Variants in DLG2 observed in about 807,000 individuals in gnomAD.
DLG2 encodes the protein disks large homolog 2.
In DLG2, 45 loss-of-function variants were observed where a neutral mutation model predicts 132.5. The observed-to-expected ratio is 0.34, with a 90% CI of 0.27 to 0.44. The LOEUF is 0.44. Among genes scored for constraint, DLG2 ranks in the 20% least tolerant of loss-of-function variants. The pLI, the probability that DLG2 is intolerant of heterozygous loss-of-function variation, is 1.00. For missense variants in DLG2, 1,045 were observed against 1,196.9 expected (o/e 0.87, Z 1.87); for synonymous variants, 424 against 419.6 (o/e 1.01, Z -0.13).
intron 6 of DLG2, among the ~76,000 whole-genome samples, chr11:84,871,689 T>C (rs974903054): frequency 1.3e-5 from 2 of 152,130 alleles, no homozygotes; most frequent in Non-Finnish European, 2.9e-5. Context: ...CTGAATCTAG[T>C]ATATAACTAC....
intron 6 of DLG2, among the ~76,000 whole-genome samples, chr11:84,566,137 AT>A (rs1389288548): frequency 1.3e-5 from 2 of 151,308 alleles, no homozygotes; most frequent in African/African-American, 4.9e-5. Flanking sequence ...TTTTTTTTGT[AT>A]TTTTACTAGA....
intron 6 of DLG2, among the ~76,000 whole-genome samples, chr11:84,633,801 C>G (rs1414912743): frequency 6.6e-6 from 1 of 152,038 alleles, no homozygotes; most frequent in Non-Finnish European, 1.5e-5. Context: ...AGGGACTGAA[C>G]CAATCACACA....
intron 3 of DLG2, among the ~76,000 whole-genome samples, chr11:85,344,072 A>G (rs1040636308): frequency 6.6e-6 from 1 of 152,184 alleles, no homozygotes; most frequent in Admixed American, 6.6e-5. Flanking sequence ...AATCATCTTG[A>G]GACCTGATTC....
chr11:85,445,743 A>G lies in DLG2; in HGVS notation c.40+152914T>C, dbSNP rs74484664. On this transcript the variant is annotated intron_variant, in intron 3 of 27. Coordinates refer to ENST00000376104, the MANE Select transcript of DLG2 (RefSeq NM_001142699.3). ...GCACACCTCATTTAAAAAGAGACACATTCCTAAAAGTGGTATAGAGTTTTA... is the reference window on the plus strand; with the variant it reads ...GCACACCTCATTTAAAAAGAGACACGTTCCTAAAAGTGGTATAGAGTTTTA... 9.3e-3 allele frequency among the ~76,000 whole-genome samples: 1,422 copies of G among 152,310 alleles called. 19 individuals are homozygous for G. Among genetic ancestry groups the G allele is most frequent in the African/African-American group, 0.031 (1,273 of 41,568 alleles).
chr11:84,032,711 G>T (rs1430251956), intron 11 of DLG2, among the ~76,000 whole-genome samples: 1 of 152,168 alleles, frequency 6.6e-6, no homozygotes, highest in African/African-American at 2.4e-5. Context: ...TGACATTTAG[G>T]ACTTTCGTAG....
intron 8 of DLG2, among the ~76,000 whole-genome samples, chr11:84,240,515 C>T (rs192174737): frequency 6.4e-4 from 97 of 152,276 alleles, no homozygotes; most frequent in Admixed American, 1.3e-3. Flanking sequence ...GCCCAGACTC[C>T]ATTCTCTTTC....
At chr11:85,407,704 C>A (rs2088892349) in intron 3 of DLG2, among the ~76,000 whole-genome samples, 1 of 151,746 alleles carries the variant, frequency 6.6e-6, no homozygotes, top group South Asian at 2.1e-4. Flanking sequence ...CTTAATCACA[C>A]AGAAAAACTC....
chr11:84,617,334 A>T (rs890652139), intron 6 of DLG2, among the ~76,000 whole-genome samples: 4 of 152,156 alleles, frequency 2.6e-5, no homozygotes, highest in African/African-American at 9.7e-5. Flanking sequence ...ATATGGCCAC[A>T]TAGTATTCCA....
chr11:84,899,245 T>C (rs1317792490), intron 6 of DLG2, among the ~76,000 whole-genome samples: 2 of 152,084 alleles, frequency 1.3e-5, no homozygotes, highest in South Asian at 4.1e-4. Flanking sequence ...TTCCCCACTC[T>C]GATGAAATTA....
intron 18 of DLG2, among the ~76,000 whole-genome samples, chr11:83,715,295 T>C (rs2086436890): frequency 6.6e-6 from 1 of 152,226 alleles, no homozygotes; most frequent in Non-Finnish European, 1.5e-5. Context: ...ATATTAAATA[T>C]ACATAGATTG....
Position 84,298,289 on chromosome 11 carries a change from A to G in DLG2, c.520-46998T>C, listed in dbSNP as rs57399705. Among the ~76,000 whole-genome samples the G allele has an allele frequency of 9.3e-3, 1,416 of 152,230 alleles. 17 individuals carry two copies. Among genetic ancestry groups the G allele is most frequent in the African/African-American group, 0.031 (1,280 of 41,520 alleles). On this transcript the variant is annotated intron_variant, in intron 7 of 27. Coordinates refer to ENST00000376104, the MANE Select transcript of DLG2 (RefSeq NM_001142699.3). Reference sequence around the variant, plus strand: ...ATTATATGTTTCATGCAAATCAATGACTTTTGCATACCTTGATATAAGGTA... The same window carrying G: ...ATTATATGTTTCATGCAAATCAATGGCTTTTGCATACCTTGATATAAGGTA...
At chr11:84,169,718 C>T (rs1436038891) in intron 8 of DLG2, among the ~76,000 whole-genome samples, 15 of 152,012 alleles carry the variant, frequency 9.9e-5, no homozygotes, top group Non-Finnish European at 1.9e-4. Context: ...ACTAAAAATA[C>T]AAAAACTAGC....
At chr11:84,441,088 A>G (rs901941915) in intron 7 of DLG2, among the ~76,000 whole-genome samples, 2 of 151,788 alleles carry the variant, frequency 1.3e-5, no homozygotes, top group South Asian at 2.1e-4. Flanking sequence ...TGCATATTTG[A>G]TATGTATATT....
intron 6 of DLG2, among the ~76,000 whole-genome samples, chr11:84,574,904 C>T (rs559104468): frequency 1.3e-5 from 2 of 152,258 alleles, no homozygotes; most frequent in Admixed American, 1.3e-4. Context: ...TAACCAGCAT[C>T]TACCCAGCCA....
chr11:84,997,173 A>G (rs768605291), intron 6 of DLG2: 4 of 153,168 alleles, frequency 2.6e-5, no homozygotes, highest in Non-Finnish European at 5.9e-5. Flanking sequence ...GTACACTAAG[A>G]TTAATAAACT....
At chr11:84,006,668 C>T (rs2094587750) in intron 11 of DLG2, among the ~76,000 whole-genome samples, 1 of 151,440 alleles carries the variant, frequency 6.6e-6, no homozygotes, top group Non-Finnish European at 1.5e-5. Flanking sequence ...TATTACGTAT[C>T]AATAAAGATA....
chr11:83,761,648 A>G (rs1400234152), intron 18 of DLG2, among the ~76,000 whole-genome samples: 1 of 152,078 alleles, frequency 6.6e-6, no homozygotes, highest in Non-Finnish European at 1.5e-5. Context: ...AACTGCTCCT[A>G]GACTCCTTCT....
intron 8 of DLG2, among the ~76,000 whole-genome samples, chr11:84,245,108 C>T (rs2097285298): frequency 6.6e-6 from 1 of 152,208 alleles, no homozygotes. Flanking sequence ...TAAAACATCT[C>T]TTAGACACAA....
At position 85,021,622 on chromosome 11, in the gene DLG2, G is replaced by A. The variant is rs878928659; in HGVS notation, c.357+90039C>T. 6.9e-5 allele frequency: 91 copies of A among 1,314,748 alleles called. 3 individuals carry two copies. Among genetic ancestry groups the A allele is most frequent in the South Asian group, 4.0e-4 (34 of 85,010 alleles). 81.4% of individuals were successfully genotyped at this position (1,314,748 alleles called of 1,614,324 possible). On this transcript the variant is annotated intron_variant, in intron 6 of 27. Coordinates refer to ENST00000376104, the MANE Select transcript of DLG2 (RefSeq NM_001142699.3). The stretch of plus-strand genomic sequence containing the variant: ...GAACACACGGGAGTTCATGGAGCGA[G>A]GATCTGTCTTGTTGGTAACGTTGCT...
Sources: allele counts gnomAD v4.1 joint callset (sites outside exome capture counted in the v4.1 genomes callset), GRCh38; gene constraint gnomAD v4.1.1; transcripts MANE v1.5; gene names NCBI Gene and HGNC (gene_info 2026-07-23, HGNC 2026-07-21).